The following DHX35 variants were observed in gnomAD, a reference collection of about 807,000 sequenced individuals.
The protein encoded by DHX35 is probable ATP-dependent RNA helicase DHX35.
In DHX35, 84 loss-of-function variants were observed where a neutral mutation model predicts 99.6. The observed-to-expected ratio is 0.84, with a 90% CI of 0.71 to 1.01. DHX35 has a LOEUF of 1.01. DHX35 is among the 50% of genes least tolerant of loss of function. The probability of loss-of-function intolerance (pLI) is 0.00; values close to 1 mark genes in which losing one functional copy is unlikely to be tolerated. For synonymous variants in DHX35, 331 were observed against 316.2 expected (o/e 1.05, Z -0.50); for missense variants, 852 against 888.5 (o/e 0.96, Z 0.52).
intron 13 of DHX35, 137 bp from the exon 14 acceptor site, chr20:39,014,743 C>A: frequency 9.4e-7 from 1 of 1,060,598 alleles, no homozygotes; most frequent in Non-Finnish European, 1.4e-6. Context: ...GAGGTGCCAA[C>A]AGCAAGAACA....
chr20:39,030,384 T>C, intron 19 of DHX35: 1 of 312,834 alleles, frequency 3.2e-6, no homozygotes, highest in Admixed American at 4.7e-5. Context: ...TTATTTCCAT[T>C]CCAAAGGAAA....
At chr20:39,011,601 G>A (rs1248379329) in intron 13 of DHX35, among the ~76,000 whole-genome samples, 3 of 152,134 alleles carry the variant, frequency 2.0e-5, no homozygotes, top group Admixed American at 1.3e-4. Context: ...TGGGCCTCCC[G>A]AAGTGCTAGG....
intron 20 of DHX35, among the ~76,000 whole-genome samples, chr20:39,032,175 T>G (rs1402811993): frequency 3.9e-5 from 6 of 152,244 alleles, no homozygotes; most frequent in African/African-American, 7.2e-5. Context: ...TTTGTTTTTT[T>G]GAGACAGTGT....
rs770087110 is a variant in DHX35, at chr20:38,962,390, T to G, written c.23T>G (p.Val8Gly). 16 of 1,612,762 alleles carry G rather than the reference T, an allele frequency of 9.9e-6. No individual in the cohort carries two copies. The South Asian group carries it at 1.5e-4, about 16-fold the overall frequency. The change falls in exon 1 of 22, where the codon GTG becomes GGG. Residue 8 changes from valine (V) to glycine (G), a missense_variant. Val to Gly is a moderately radical substitution (Grantham distance 109). Coordinates refer to ENST00000252011, the MANE Select transcript of DHX35 (RefSeq NM_021931.4). MAAPVGPVKFWRPGTEGP... is the reference protein window; with the variant it reads MAAPVGPGKFWRPGTEGP... ...AACATGGCTGCGCCCGTGGGACCGGTGAAGTTCTGGCGACCCGGTAAGGCC... is the reference window on the plus strand; with the variant it reads ...AACATGGCTGCGCCCGTGGGACCGGGGAAGTTCTGGCGACCCGGTAAGGCC...
At chr20:38,981,423 T>A (rs988391899) in intron 3 of DHX35, among the ~76,000 whole-genome samples, 1 of 152,246 alleles carries the variant, frequency 6.6e-6, no homozygotes, top group African/African-American at 2.4e-5. Flanking sequence ...GATACTTATT[T>A]TTTTCTATGT....
intron 10 of DHX35, 84 bp downstream of exon 10, chr20:39,002,952 A>G (rs1458566978): frequency 1.7e-5 from 19 of 1,140,760 alleles, no homozygotes; most frequent in South Asian, 1.3e-4. Context: ...TTACTCAGTC[A>G]TGTATTTCAT....
chr20:38,968,834 G>C (rs888335210), intron 1 of DHX35, among the ~76,000 whole-genome samples: 1 of 152,224 alleles, frequency 6.6e-6, no homozygotes, highest in African/African-American at 2.4e-5. Context: ...TTACAGGCGT[G>C]AGCCACTGCA....
chr20:39,003,347 C>G (rs1378474265), intron 10 of DHX35, among the ~76,000 whole-genome samples: 3 of 152,246 alleles, frequency 2.0e-5, no homozygotes, highest in Non-Finnish European at 1.5e-5. Flanking sequence ...ATCTTTTCCA[C>G]TGCCAAACAC....
intron 15 of DHX35, among the ~76,000 whole-genome samples, chr20:39,020,172 C>T (rs190669395): frequency 6.6e-6 from 1 of 152,286 alleles, no homozygotes; most frequent in Admixed American, 6.5e-5. Context: ...TGGATTGCTT[C>T]CAAATTGTGG....
chr20:38,962,731 T>G, intron 1 of DHX35: 4 of 354,648 alleles, frequency 1.1e-5, no homozygotes, highest in Non-Finnish European at 2.1e-5. Flanking sequence ...CGTGTCTCGT[T>G]AGCGCCCTGG....
rs138876680 is a variant in DHX35 at position 39,005,838 on chromosome 20, G to T, written c.1012-308G>T. Among the ~76,000 whole-genome samples, 9 of 152,228 alleles carry T rather than the reference G, an allele frequency of 5.9e-5. No individual in the cohort carries two copies. The East Asian group carries it at 1.5e-3, about 26-fold the overall frequency. ...AAAGGGAAAAACTAACAAATGCTAG[G>T]CTCTGATCACTTTATATATTAATTG... On this transcript the variant is annotated intron_variant, in intron 11 of 21. Transcript: ENST00000252011.
chr20:39,026,759 A>T (rs2086964141), intron 18 of DHX35, among the ~76,000 whole-genome samples: 1 of 152,138 alleles, frequency 6.6e-6, no homozygotes, highest in Non-Finnish European at 1.5e-5. Flanking sequence ...GGGTGAATAC[A>T]CTCACGAGAG....
At chr20:38,988,250 C>T (rs187497087) in intron 4 of DHX35, among the ~76,000 whole-genome samples, 244 of 152,154 alleles carry the variant, frequency 1.6e-3, no homozygotes, top group African/African-American at 4.2e-3. Context: ...GATCTTGATC[C>T]GTAACATTTT....
At chr20:38,965,462 C>T (rs2085896822) in intron 1 of DHX35, among the ~76,000 whole-genome samples, 1 of 152,120 alleles carries the variant, frequency 6.6e-6, no homozygotes, top group African/African-American at 2.4e-5. Flanking sequence ...AAGTTGCTTA[C>T]TGGAGGTAAT....
chr20:38,962,624 C>T lies in DHX35; in HGVS notation c.40+217C>T, dbSNP rs1430253422. 4 of 591,622 alleles carry T rather than the reference C, an allele frequency of 6.8e-6. No individual in the cohort carries two copies. The Admixed American group carries it at 9.2e-5, about 14-fold the overall frequency. 36.6% of individuals were successfully genotyped at this position (591,622 alleles called of 1,614,324 possible). Reference sequence around the variant, plus strand: ...AGCGTGAGCAGAAACTCTTTGTGACCTTGTTAAAGTGGTCCAGCCTCCTCA... The same window carrying T: ...AGCGTGAGCAGAAACTCTTTGTGACTTTGTTAAAGTGGTCCAGCCTCCTCA... On this transcript the variant is annotated intron_variant, in intron 1 of 21. Transcript: ENST00000252011.
chr20:38,998,931 G>A (rs2086472776), intron 8 of DHX35, among the ~76,000 whole-genome samples: 1 of 151,946 alleles, frequency 6.6e-6, no homozygotes, highest in Non-Finnish European at 1.5e-5. Flanking sequence ...CTAGTAGCTG[G>A]GATTACAGGC....
chr20:39,028,349 T>C, intron 18 of DHX35, 69 bp from the exon 19 acceptor site: 2 of 1,488,036 alleles, frequency 1.3e-6, no homozygotes, highest in Non-Finnish European at 1.9e-6. Flanking sequence ...GTGGATCCTG[T>C]GCATTAGAGC....
At chr20:39,014,090 T>C (rs977358309) in intron 13 of DHX35, among the ~76,000 whole-genome samples, 2 of 152,222 alleles carry the variant, frequency 1.3e-5, no homozygotes, top group African/African-American at 2.4e-5. Context: ...ATAAAATACA[T>C]TTGTTATGTG....
chr20:39,013,372 G>C (rs1316109424), intron 13 of DHX35, among the ~76,000 whole-genome samples: 1 of 152,166 alleles, frequency 6.6e-6, no homozygotes, highest in Non-Finnish European at 1.5e-5. Flanking sequence ...AAGTTTGTAT[G>C]GGTGCAAGAA....
Sources: gnomAD v4.1 joint callset for allele counts (sites outside exome capture counted in the v4.1 genomes callset) on GRCh38, gnomAD v4.1.1 for gene constraint, MANE v1.5 for transcripts, NCBI Gene and HGNC (gene_info 2026-07-23, HGNC 2026-07-21) for gene names.